NDE1: variants seen among roughly 807,000 people sequenced by gnomAD.
NDE1 encodes the protein nudE neurodevelopment protein 1, also known as nuclear distribution protein nudE homolog 1.
Under a neutral mutation model 43.4 loss-of-function variants are expected in NDE1, and 28 were observed. That is an observed-to-expected ratio of 0.65 (90% CI 0.48 to 0.89). NDE1 has a LOEUF of 0.89. NDE1 is among the 40% of genes least tolerant of loss of function. The pLI is 0.00. For missense variants in NDE1, 441 were observed against 434.1 expected, an observed-to-expected ratio of 1.02 and a Z score of -0.14; for synonymous variants, 184 against 172.0, an observed-to-expected ratio of 1.07 and a Z score of -0.55.
At chr16:15,684,712 T>TC (rs1567646234) in intron 4 of NDE1, 2 of 152,128 alleles carry the variant, frequency 1.3e-5, no homozygotes, top group African/African-American at 4.8e-5. Flanking sequence ...GAGGTACGAA[T>TC]CTAATAATTT....
intron 1 of NDE1, among the ~76,000 whole-genome samples, chr16:15,663,461 C>T (rs2037148817): frequency 6.6e-6 from 1 of 151,668 alleles, no homozygotes; most frequent in African/African-American, 2.4e-5. Flanking sequence ...CCAGGCTGGT[C>T]TCGAACTCCT....
At chr16:15,715,113 G>A in intron 8 of NDE1, 4 of 1,612,228 alleles carry the variant, frequency 2.5e-6, no homozygotes, top group Non-Finnish European at 3.4e-6. Context: ...GTGGTTAGGG[G>A]AGGCCGGCTG....
intron 1 of NDE1, among the ~76,000 whole-genome samples, chr16:15,653,808 A>G (rs548108518): frequency 1.3e-5 from 2 of 151,620 alleles, no homozygotes; most frequent in African/African-American, 4.8e-5. Flanking sequence ...GCTCACTGCA[A>G]CCACCGCCTC....
intron 8 of NDE1, chr16:15,720,448 TGAG>T (rs1438431403): frequency 1.6e-6 from 2 of 1,266,210 alleles, no homozygotes; most frequent in East Asian, 5.1e-5. Context: ...CAGTTGCAGA[TGAG>T]AAAACGGAAT....
chr16:15,705,508 T>C (rs1296067804), intron 8 of NDE1, among the ~76,000 whole-genome samples: 1 of 152,184 alleles, frequency 6.6e-6, no homozygotes, highest in African/African-American at 2.4e-5. Flanking sequence ...CTTAACTCTT[T>C]TCAGCAACCG....
chr16:15,702,494 A>ATCC (rs1008830016), intron 8 of NDE1, among the ~76,000 whole-genome samples: 1 of 151,862 alleles, frequency 6.6e-6, no homozygotes, highest in Non-Finnish European at 1.5e-5. Context: ...GGCTCACATG[A>ATCC]TCCTCCTGCC....
chr16:15,664,955 G>A, intron 2 of NDE1, 94 bp downstream of exon 2: 1 of 999,932 alleles, frequency 1.0e-6, no homozygotes, highest in East Asian at 2.4e-5. Flanking sequence ...CTGTTCCTAG[G>A]CGTGATCATA....
At chr16:15,721,461 C>T in intron 8 of NDE1, 4 of 1,614,184 alleles carry the variant, frequency 2.5e-6, no homozygotes, top group Non-Finnish European at 3.4e-6. Context: ...CCAGGTCTTC[C>T]ATTTCGGCTT....
chr16:15,721,148 T>G, intron 8 of NDE1: 2 of 1,367,300 alleles, frequency 1.5e-6, no homozygotes, highest in Non-Finnish European at 2.0e-6. Context: ...ATCAGGGAGG[T>G]GGCTTTGGCC....
intron 6 of NDE1, among the ~76,000 whole-genome samples, chr16:15,693,681 C>G (rs949468636): frequency 2.0e-5 from 3 of 152,090 alleles, no homozygotes; most frequent in East Asian, 3.9e-4. Context: ...GGCTCACGCC[C>G]GTAATCCCAG....
At chr16:15,658,349 G>A (rs1357377918) in intron 1 of NDE1, among the ~76,000 whole-genome samples, 1 of 152,232 alleles carries the variant, frequency 6.6e-6, no homozygotes, top group Non-Finnish European at 1.5e-5. Context: ...GGTTAGATCC[G>A]TGACTGTCAC....
chr16:15,714,892 G>A lies in NDE1; in HGVS notation c.948-9299G>A, dbSNP rs1297895766. Reference sequence around the variant, plus strand: ...TGGCCTGAGAGACGGGGTCCTCCCGGGCCACGGGCTCCTCACCTGAGCTTG... The same window carrying A: ...TGGCCTGAGAGACGGGGTCCTCCCGAGCCACGGGCTCCTCACCTGAGCTTG... On this transcript the variant is annotated intron_variant, in intron 8 of 8. Coordinates refer to ENST00000396354, the MANE Select transcript of NDE1 (RefSeq NM_017668.3). The A allele has an allele frequency of 1.2e-6, 2 of 1,612,776 alleles. No homozygotes were observed. Among genetic ancestry groups the A allele is most frequent in the Admixed American group, 3.3e-5 (2 of 60,016 alleles).
At chr16:15,715,341 G>C in intron 8 of NDE1, 3 of 1,469,192 alleles carry the variant, frequency 2.0e-6, no homozygotes, top group Non-Finnish European at 1.9e-6. Context: ...TGTGTCACCT[G>C]GAGGTGGCAT....
intron 3 of NDE1, among the ~76,000 whole-genome samples, chr16:15,667,743 T>A (rs1226183290): frequency 6.7e-6 from 1 of 148,760 alleles, no homozygotes; most frequent in East Asian, 2.0e-4. Context: ...GTAATTCTCC[T>A]GCCTCAGCCT....
At chr16:15,691,923 G>A (rs564285051) in intron 6 of NDE1, among the ~76,000 whole-genome samples, 4 of 151,916 alleles carry the variant, frequency 2.6e-5, no homozygotes, top group African/African-American at 7.2e-5. Flanking sequence ...GAGCCACCGC[G>A]CCTGGTCAAA....
Position 15,703,849 on chromosome 16 carries a change from T to A in NDE1, c.947+6989T>A, listed in dbSNP as rs752462194. The A allele has an allele frequency of 3.4e-6, 4 of 1,177,752 alleles. 1 individual carries two copies. The South Asian group carries it at 3.7e-5, about 11-fold the overall frequency. The allele number at this position is 1,177,752 out of a possible 1,614,324, so 73.0% of individuals were successfully genotyped here. A position where few individuals can be genotyped will look rare whatever the true frequency, so the allele number is the denominator to read the frequency against. On this transcript the variant is annotated intron_variant, in intron 8 of 8. Transcript: ENST00000396354. Reference sequence around the variant, plus strand: ...CCTTGTGTGAGGGGTGTCTGTGATATTTGGAATTTGAGAATGGATTTAGAC... The same window carrying A: ...CCTTGTGTGAGGGGTGTCTGTGATAATTGGAATTTGAGAATGGATTTAGAC...
chr16:15,678,937 G>A (rs1004821628), intron 4 of NDE1, among the ~76,000 whole-genome samples: 2 of 151,872 alleles, frequency 1.3e-5, no homozygotes, highest in Admixed American at 1.3e-4. Context: ...TTAGCCGGGC[G>A]TGGTGGCGGG....
rs770582589 is a variant in NDE1 at position 15,717,154 on chromosome 16, G to T, written c.948-7037G>T. On this transcript the variant is annotated intron_variant, in intron 8 of 8. Transcript: ENST00000396354. ...CACCCGCATACCTGGCCTCCTGCTC[G>T]ACCTGCTCCTCCAGCTGTGCAATCT... 1.2e-6 allele frequency: 2 copies of T among 1,614,150 alleles called. No homozygotes were observed. The highest frequency in any genetic ancestry group is 1.7e-6 in the Non-Finnish European group (2 of 1,180,030).
At chr16:15,648,608 A>C (rs1452849135), upstream of NDE1, among the ~76,000 whole-genome samples, 1 of 151,712 alleles carries the variant, frequency 6.6e-6, no homozygotes, top group Non-Finnish European at 1.5e-5. Context: ...GGAGTTCGAG[A>C]CCAGCCTGGC....
Sources: allele counts gnomAD v4.1 joint callset (sites outside exome capture counted in the v4.1 genomes callset), GRCh38; gene constraint gnomAD v4.1.1; transcripts MANE v1.5; gene names NCBI Gene and HGNC (gene_info 2026-07-23, HGNC 2026-07-21).